The following MRPS7 variants were observed in gnomAD, a reference collection of about 807,000 sequenced individuals.
The protein encoded by MRPS7 is mitochondrial ribosomal protein S7.
Under a neutral mutation model 26.2 loss-of-function variants are expected in MRPS7, and 13 were observed. The ratio of observed to expected loss-of-function variants is 0.50; its 90% confidence interval spans 0.32 to 0.79. The LOEUF is 0.79. Ranked by LOEUF, MRPS7 falls within the 30% of genes least tolerant of loss-of-function variation. The probability of loss-of-function intolerance (pLI) is 0.03; values close to 1 mark genes in which losing one functional copy is unlikely to be tolerated. For missense variants in MRPS7, 318 were observed against 312.2 expected (o/e 1.02, Z -0.14); for synonymous variants, 129 against 113.3 (o/e 1.14, Z -0.88).
chr17:75,262,980 G>C, intron 3 of MRPS7, 113 bp downstream of exon 3: 3 of 1,063,008 alleles, frequency 2.8e-6, no homozygotes. Flanking sequence ...CTATTATTCA[G>C]ATTAACTTCC....
intron 3 of MRPS7, chr17:75,263,122 AC>A (rs566541581): frequency 8.3e-6 from 5 of 604,420 alleles, no homozygotes; most frequent in South Asian, 2.3e-5. Context: ...TCCCCACCTC[AC>A]CCCCCACCCC....
rs748923000 is a variant in MRPS7 at position 75,261,928 on chromosome 17, C to G, written c.28C>G (p.Arg10Gly). 1.2e-5 allele frequency: 20 copies of G among 1,608,926 alleles called. No individual in the cohort carries two copies. The highest frequency in any genetic ancestry group is 1.6e-5 in the Non-Finnish European group (19 of 1,179,872). The change falls in exon 1 of 5, where the codon CGA (arginine) becomes GGA (glycine). Residue 10 changes from arginine (R) to glycine (G), a missense_variant. Coordinates refer to ENST00000245539, the MANE Select transcript of MRPS7 (RefSeq NM_015971.4). ...GGCTGCCCCCGCAGTGAAGGTTGCCCGAGGATGGTCGGGCCTGGCGTTGGG... is the reference window on the plus strand; with the variant it reads ...GGCTGCCCCCGCAGTGAAGGTTGCCGGAGGATGGTCGGGCCTGGCGTTGGG... MAAPAVKVA[R>G]GWSGLALGVR...
chr17:75,262,170 T>C (rs2077411397), intron 1 of MRPS7, 187 bp downstream of exon 1: 8 of 723,890 alleles, frequency 1.1e-5, no homozygotes, highest in Non-Finnish European at 4.5e-6. Flanking sequence ...CTAAGGAGTC[T>C]GGCTGATCTA....
In MRPS7 at chr17:75,261,971, T is replaced by C. The variant is rs1007556191; in HGVS notation, c.71T>C (p.Leu24Ser). 1.2e-6 allele frequency: 2 copies of C among 1,603,406 alleles called. No homozygotes were observed. The highest frequency in any genetic ancestry group is 1.7e-6 in the Non-Finnish European group (2 of 1,179,042). Residue 24 changes from leucine to serine, a missense_variant, in exon 1 of 5, where the codon TTG becomes TCG. Coordinates refer to ENST00000245539, the MANE Select transcript of MRPS7 (RefSeq NM_015971.4). ...GCGTTGGGCGTGCGGCGGGCTGTCT[T>C]GCAGCTTCCAGGGTGAGAGGGTGGC... The part of the protein sequence containing the change: ...GLALGVRRAV[L>S]QLPGLTQVRW...
chr17:75,264,931 G>A (rs1052202003), intron 4 of MRPS7, among the ~76,000 whole-genome samples: 6 of 151,974 alleles, frequency 3.9e-5, no homozygotes, highest in Admixed American at 1.3e-4. Context: ...GGTACCTATG[G>A]TCTGAGGTGG....
At chr17:75,263,247 C>G in intron 3 of MRPS7, 93 bp from the exon 4 acceptor site, 1 of 1,493,040 alleles carries the variant, frequency 6.7e-7, no homozygotes. Flanking sequence ...CAGCGCAGAA[C>G]CAGAGGATGG....
intron 4 of MRPS7, 120 bp from the exon 5 acceptor site, chr17:75,265,582 A>G: frequency 1.2e-6 from 1 of 835,356 alleles, no homozygotes; most frequent in Non-Finnish European, 1.9e-6. Context: ...CCTTCTCCCC[A>G]GGCCTGACCA....
Position 75,266,230 on chromosome 17 carries a change from T to G in MRPS7, c.*307T>G. 2 of 431,150 alleles carry G rather than the reference T, an allele frequency of 4.6e-6. No homozygotes were observed. Among genetic ancestry groups the G allele is most frequent in the Admixed American group, 3.9e-5 (1 of 25,516 alleles). 26.7% of individuals were successfully genotyped at this position (431,150 alleles called of 1,614,324 possible). On this transcript the variant is annotated 3_prime_UTR_variant, in exon 5 of 5. Coordinates refer to ENST00000245539, the MANE Select transcript of MRPS7 (RefSeq NM_015971.4). The stretch of plus-strand genomic sequence containing the variant: ...CTTTGGATATATAAAGGAAGCAGTT[T>G]TAGTATCAGAAAAGATTTATTAGAA...
In MRPS7 at chr17:75,261,921, G is replaced by C. The variant is rs376833953; in HGVS notation, c.21G>C (p.Lys7Asn). The C allele has an allele frequency of 3.0e-5, 48 of 1,609,002 alleles. No individual in the cohort carries two copies. The highest frequency in any genetic ancestry group is 4.0e-5 in the Non-Finnish European group (47 of 1,179,862). MAAPAV[K>N]VARGWSGLAL... is the part of the protein sequence containing the mutation. ...CCAAGATGGCTGCCCCCGCAGTGAAGGTTGCCCGAGGATGGTCGGGCCTGG... is the reference window on the plus strand; with the variant it reads ...CCAAGATGGCTGCCCCCGCAGTGAACGTTGCCCGAGGATGGTCGGGCCTGG... The change falls in exon 1 of 5, where the codon AAG becomes AAC. Residue 7 changes from lysine (K) to asparagine (N), a missense_variant. Physicochemically the swap from Lys to Asn is moderately conservative, Grantham distance 94 (BLOSUM62 0). Coordinates refer to ENST00000245539, the MANE Select transcript of MRPS7 (RefSeq NM_015971.4).
chr17:75,262,732 C>T (rs757568818), intron 2 of MRPS7, 44 bp downstream of exon 2: 2 of 1,613,662 alleles, frequency 1.2e-6, no homozygotes, highest in African/African-American at 2.7e-5. Flanking sequence ...GGGACTATCC[C>T]AGGGAGGGTT....
chr17:75,261,972 G>T lies in MRPS7; in HGVS notation c.72G>T (p.Leu24Phe), dbSNP rs753358709. The T allele has an allele frequency of 6.2e-7, 1 of 1,602,226 alleles. No individual in the cohort carries two copies. Among genetic ancestry groups the T allele is most frequent in the Non-Finnish European group, 8.5e-7 (1 of 1,178,788 alleles). ...CGTTGGGCGTGCGGCGGGCTGTCTT[G>T]CAGCTTCCAGGGTGAGAGGGTGGCG... ...GLALGVRRAVLQLPGLTQVRW... is the reference protein window; with the variant it reads ...GLALGVRRAVFQLPGLTQVRW... The change falls in exon 1 of 5, where the codon TTG becomes TTT. Residue 24 changes from leucine to phenylalanine, a missense_variant. By Grantham distance (22) the Leu-to-Phe change is conservative. Transcript: ENST00000245539.
chr17:75,266,070 C>T lies in MRPS7; in HGVS notation c.*147C>T, dbSNP rs2077477732. On this transcript the variant is annotated 3_prime_UTR_variant, in exon 5 of 5. Coordinates refer to ENST00000245539, the MANE Select transcript of MRPS7 (RefSeq NM_015971.4). The stretch of plus-strand genomic sequence containing the variant: ...AAGATGTAGCAGCATATTCACTATC[C>T]GTTAATCCTTCTTTCTTTGAGGCTG... The T allele has an allele frequency of 5.9e-6, 4 of 680,668 alleles. No homozygotes were observed. The highest frequency in any genetic ancestry group is 3.7e-5 in the South Asian group (2 of 53,516). The allele number at this position is 680,668 out of a possible 1,614,324, so 42.2% of individuals were successfully genotyped here.
chr17:75,262,103 T>G, intron 1 of MRPS7, 120 bp downstream of exon 1: 1 of 1,225,440 alleles, frequency 8.2e-7, no homozygotes. Flanking sequence ...GGATTCAAGC[T>G]TCTAAGTTAG....
Position 75,262,525 on chromosome 17 carries a change from A to T in MRPS7, c.112A>T (p.Ser38Cys). The T allele has an allele frequency of 6.2e-7, 1 of 1,614,106 alleles. No individual in the cohort carries two copies. Among genetic ancestry groups the T allele is most frequent in the Non-Finnish European group, 8.5e-7 (1 of 1,180,002 alleles). Reference protein sequence around the residue: ...GLTQVRWSRYSPEFKDPLIDK... With the variant: ...GLTQVRWSRYCPEFKDPLIDK... ...AACTCAGGTGAGATGGAGCCGCTAT[A>T]GTCCTGAATTCAAGGATCCCTTGAT... The change falls in exon 2 of 5, where the codon AGT becomes TGT. Residue 38 changes from serine to cysteine, a missense_variant. Transcript: ENST00000245539.
At position 75,266,233 on chromosome 17, in the gene MRPS7, G is replaced by A. The variant is rs1053771359; in HGVS notation, c.*310G>A. 1.0e-4 allele frequency: 44 copies of A among 425,614 alleles called. No individual in the cohort carries two copies. Among genetic ancestry groups the A allele is most frequent in the African/African-American group, 2.2e-4 (11 of 50,060 alleles). The allele number at this position is 425,614 out of a possible 1,614,324, so 26.4% of individuals were successfully genotyped here. On this transcript the variant is annotated 3_prime_UTR_variant, in exon 5 of 5. Transcript: ENST00000245539. The stretch of plus-strand genomic sequence containing the variant: ...TGGATATATAAAGGAAGCAGTTTTA[G>A]TATCAGAAAAGATTTATTAGAAAAT...
In MRPS7 at chr17:75,262,491, T is replaced by A. The variant is rs1598476398; in HGVS notation, c.84-6T>A. The A allele has an allele frequency of 1.9e-6, 3 of 1,612,786 alleles. No homozygotes were observed. The highest frequency in any genetic ancestry group is 2.5e-6 in the Non-Finnish European group (3 of 1,179,018). On this transcript the variant is annotated splice_region_variant and splice_polypyrimidine_tract_variant and intron_variant, in intron 1 of 4. Coordinates refer to ENST00000245539, the MANE Select transcript of MRPS7 (RefSeq NM_015971.4). ...TTGCCTGCCTCCTCCTTTCCCCCCC[T>A]CCCAGGCTAACTCAGGTGAGATGGA...
At chr17:75,262,057 C>T in intron 1 of MRPS7, 74 bp downstream of exon 1, 3 of 1,541,414 alleles carry the variant, frequency 1.9e-6, no homozygotes, top group Non-Finnish European at 2.6e-6. Flanking sequence ...CGCGTGGGCC[C>T]CTAGAGAGAG....
In MRPS7 at chr17:75,261,960, G is replaced by T; in HGVS notation, c.60G>T (p.Arg20=). The change falls in exon 1 of 5, where the codon CGG becomes CGT. Residue 20 remains arginine (R), a synonymous_variant. Transcript: ENST00000245539. ...RGWSGLALGV[R]RAVLQLPGLT... is the part of the protein sequence containing the mutation. ...GGTCGGGCCTGGCGTTGGGCGTGCGGCGGGCTGTCTTGCAGCTTCCAGGGT... is the reference window on the plus strand; with the variant it reads ...GGTCGGGCCTGGCGTTGGGCGTGCGTCGGGCTGTCTTGCAGCTTCCAGGGT... The T allele has an allele frequency of 6.2e-7, 1 of 1,607,170 alleles. No homozygotes were observed.
At position 75,262,821 on chromosome 17, in the gene MRPS7, T is replaced by C; in HGVS notation, c.293T>C (p.Met98Thr). 1 of 1,614,180 alleles carries C rather than the reference T, an allele frequency of 6.2e-7. No individual in the cohort carries two copies. The highest frequency in any genetic ancestry group is 8.5e-7 in the Non-Finnish European group (1 of 1,180,022). ...DPVISKFTNM[M>T]MIGGNKVLAR... ...CTTTGAAGTAAATTCACCAACATGA[T>C]GATGATAGGAGGAAACAAAGTACTG... Residue 98 changes from methionine (M) to threonine (T), a missense_variant, in exon 3 of 5, where the codon ATG (methionine) becomes ACG (threonine). By Grantham distance (81) the Met-to-Thr change is moderately conservative. Coordinates refer to ENST00000245539, the MANE Select transcript of MRPS7 (RefSeq NM_015971.4).
Sources: allele counts gnomAD v4.1 joint callset (sites outside exome capture counted in the v4.1 genomes callset), GRCh38; gene constraint gnomAD v4.1.1; transcripts MANE v1.5; gene names NCBI Gene and HGNC (gene_info 2026-07-23, HGNC 2026-07-21).